Variants in VCAM1 observed in about 807,000 individuals in gnomAD.
The protein encoded by VCAM1 is vascular cell adhesion protein 1.
Under a neutral mutation model 63.8 loss-of-function variants are expected in VCAM1, and 41 were observed. That is an observed-to-expected ratio of 0.64 (90% CI 0.50 to 0.83). The LOEUF (loss-of-function observed/expected upper bound fraction) is 0.83. Ranked by LOEUF, VCAM1 falls within the 40% of genes least tolerant of loss-of-function variation. VCAM1 has a pLI of 0.00. For missense variants in VCAM1, 798 were observed against 875.5 expected, an observed-to-expected ratio of 0.91 and a Z score of 1.12; for synonymous variants, 338 against 320.7, an observed-to-expected ratio of 1.05 and a Z score of -0.58.
At chr1:100,730,759 T>G (rs1445567472) in intron 5 of VCAM1, among the ~76,000 whole-genome samples, 1 of 152,128 alleles carries the variant, frequency 6.6e-6, no homozygotes, top group Non-Finnish European at 1.5e-5. Context: ...GTAAAATAAG[T>G]AATACTCATT....
chr1:100,731,594 G>C lies in VCAM1; in HGVS notation c.1525+76G>C, dbSNP rs1660459922. The C allele has an allele frequency of 7.3e-7, 1 of 1,365,860 alleles. No individual in the cohort carries two copies. The allele number at this position is 1,365,860 out of a possible 1,614,324, so 84.6% of individuals were successfully genotyped here. The stretch of plus-strand genomic sequence containing the variant: ...GTTTGCCAGGCAATAGTTAACATAA[G>C]GTTAATCGTTAAAACCTCTGTGGAG... On this transcript the variant is annotated intron_variant, in intron 6 of 8. Transcript: ENST00000294728. The surrounding 1 kb of genome is among the most constrained non-coding windows in gnomAD (Gnocchi z 4.2).
intron 3 of VCAM1, among the ~76,000 whole-genome samples, chr1:100,724,382 T>A (rs937995349): frequency 5.9e-5 from 9 of 152,054 alleles, no homozygotes; most frequent in Non-Finnish European, 1.3e-4. Context: ...TTAAGCCACA[T>A]GGTTTTTCTT....
At chr1:100,736,397 T>C (rs1203386980) in intron 8 of VCAM1, 1 of 152,196 alleles carries the variant, frequency 6.6e-6, no homozygotes, top group Non-Finnish European at 1.5e-5. Context: ...TTTATTTGTT[T>C]CATTTTGTCT....
At chr1:100,724,536 A>G (rs1660090942) in intron 3 of VCAM1, 88 bp from the exon 4 acceptor site, 1 of 1,455,716 alleles carries the variant, frequency 6.9e-7, no homozygotes, top group Admixed American at 2.2e-5. Context: ...AAATTGGTGG[A>G]AGCACATAAA....
intron 6 of VCAM1, among the ~76,000 whole-genome samples, chr1:100,732,166 G>A (rs560803396): frequency 2.0e-4 from 31 of 152,144 alleles, no homozygotes; most frequent in East Asian, 7.7e-4. Flanking sequence ...ATTGACCCTC[G>A]TCATTCTTTG....
chr1:100,720,677 A>G lies in VCAM1; in HGVS notation c.266A>G (p.Asn89Ser). The G allele has an allele frequency of 6.2e-7, 1 of 1,613,324 alleles. No individual in the cohort carries two copies. The highest frequency in any genetic ancestry group is 8.5e-7 in the Non-Finnish European group (1 of 1,179,528). ...ACAATGAATCCTGTTAGTTTTGGGA[A>G]CGAACACTCTTACCTGTGCACAGCA... is the stretch of plus-strand genomic sequence containing the variant. ...TLTMNPVSFG[N>S]EHSYLCTATC... The change falls in exon 2 of 9, where the codon AAC becomes AGC. Residue 89 changes from asparagine (N) to serine (S), a missense_variant. Coordinates refer to ENST00000294728, the MANE Select transcript of VCAM1 (RefSeq NM_001078.4).
intron 8 of VCAM1, chr1:100,736,587 A>G (rs960460088): frequency 6.6e-6 from 1 of 152,194 alleles, no homozygotes; most frequent in African/African-American, 2.4e-5. Context: ...TGTATATTAC[A>G]TTGAAAAGAA....
chr1:100,721,349 G>A (rs983680001), intron 2 of VCAM1, among the ~76,000 whole-genome samples: 5 of 151,848 alleles, frequency 3.3e-5, no homozygotes, highest in African/African-American at 7.2e-5. Context: ...GTGCTCAACC[G>A]CTCAACTTCA....
rs1193648133 is a variant in VCAM1 at position 100,732,687 on chromosome 1, G to A, written c.1792+3G>A. 1 of 1,581,892 alleles carries A rather than the reference G, an allele frequency of 6.3e-7. No individual in the cohort carries two copies. Among genetic ancestry groups the A allele is most frequent in the East Asian group, 2.2e-5 (1 of 44,578 alleles). On this transcript the variant is annotated splice_donor_region_variant and intron_variant, in intron 7 of 8. Coordinates refer to ENST00000294728, the MANE Select transcript of VCAM1 (RefSeq NM_001078.4). ...GGAAGTGGAATTAATTATCCAAGGT[G>A]AGCAGAGTGTGAGTAATGAGTTATC...
chr1:100,733,236 A>T (rs1181837072), intron 7 of VCAM1, among the ~76,000 whole-genome samples: 1 of 152,210 alleles, frequency 6.6e-6, no homozygotes, highest in African/African-American at 2.4e-5. Flanking sequence ...TTTAGGATGG[A>T]GACCCAAGAT....
chr1:100,734,472 T>A (rs749911645), intron 7 of VCAM1, 30 bp from the exon 8 acceptor site: 2 of 1,591,422 alleles, frequency 1.3e-6, no homozygotes, highest in South Asian at 2.3e-5. Flanking sequence ...TTTCACTCAA[T>A]CAGGGATGTC....
At chr1:100,721,607 G>A (rs1031772161) in intron 2 of VCAM1, among the ~76,000 whole-genome samples, 6 of 151,998 alleles carry the variant, frequency 3.9e-5, no homozygotes, top group African/African-American at 1.4e-4. Flanking sequence ...CTTTGGTTTC[G>A]TTTTATTGTA....
rs3783617 is a variant in VCAM1, at chr1:100,738,325, G to C, written c.*42G>C. ...TCAACTGGAGACACTATTTATCTGT[G>C]CAAATCCTTGATACTGCTCATCATT... On this transcript the variant is annotated 3_prime_UTR_variant, in exon 9 of 9. Coordinates refer to ENST00000294728, the MANE Select transcript of VCAM1 (RefSeq NM_001078.4). The C allele has an allele frequency of 1.5e-4, 230 of 1,584,368 alleles. No homozygotes were observed. In the African/African-American group the frequency reaches 2.8e-3, roughly 19 times the overall value.
rs1660715870 is a variant in VCAM1 at position 100,737,956 on chromosome 1, A to C, written c.2060-167A>C. The stretch of plus-strand genomic sequence containing the variant: ...TAGCAACCACCAACTGATTATTTGG[A>C]TAATTCAGACAAACATGCATCTTGG... On this transcript the variant is annotated intron_variant, in intron 8 of 8. Coordinates refer to ENST00000294728, the MANE Select transcript of VCAM1 (RefSeq NM_001078.4). The C allele has an allele frequency of 4.5e-6, 3 of 669,698 alleles. No homozygotes were observed. In the African/African-American group the frequency reaches 5.4e-5, roughly 12 times the overall value. 41.5% of individuals were successfully genotyped at this position (669,698 alleles called of 1,614,324 possible).
Position 100,732,689 on chromosome 1 carries a change from G to A in VCAM1, c.1792+5G>A. ...AAGTGGAATTAATTATCCAAGGTGA[G>A]CAGAGTGTGAGTAATGAGTTATCCT... On this transcript the variant is annotated splice_donor_5th_base_variant and intron_variant, in intron 7 of 8. Transcript: ENST00000294728. The A allele has an allele frequency of 6.3e-7, 1 of 1,581,042 alleles. No individual in the cohort carries two copies.
chr1:100,732,347 G>A, intron 6 of VCAM1, 71 bp from the exon 7 acceptor site: 1 of 1,441,130 alleles, frequency 6.9e-7, no homozygotes, highest in South Asian at 1.6e-5. Flanking sequence ...GCCCAGTTTT[G>A]CAACATTATT....
In VCAM1 at chr1:100,731,248, A is replaced by AG; in HGVS notation, c.1256dup (p.Ser419ArgfsTer11). 1 of 1,613,412 alleles carries AG rather than the reference A, an allele frequency of 6.2e-7. No homozygotes were observed. Among genetic ancestry groups the AG allele is most frequent in the Non-Finnish European group, 8.5e-7 (1 of 1,179,658 alleles). ...GATGAGTGGTGGCCTCGTGAATGGGAGCTCTGTCACTGTAAGCTGCAAGGT... is the reference window on the plus strand; with the variant it reads ...GATGAGTGGTGGCCTCGTGAATGGGAGGCTCTGTCACTGTAAGCTGCAAGGT... On this transcript the variant is annotated frameshift_variant, in exon 6 of 9. Transcript: ENST00000294728. LOFTEE classifies it high-confidence loss of function. The surrounding 1 kb of genome is among the most constrained non-coding windows in gnomAD (Gnocchi z 4.2).
chr1:100,720,418 A>G (rs1338869088), intron 1 of VCAM1, 58 bp from the exon 2 acceptor site: 1 of 1,552,984 alleles, frequency 6.4e-7, no homozygotes, highest in Admixed American at 1.8e-5. Flanking sequence ...GAGAAGAAGG[A>G]GGAGAATACT....
chr1:100,724,655 T>A lies in VCAM1; in HGVS notation c.693T>A (p.Asn231Lys). The A allele has an allele frequency of 6.2e-7, 1 of 1,612,974 alleles. No homozygotes were observed. The highest frequency in any genetic ancestry group is 8.5e-7 in the Non-Finnish European group (1 of 1,179,356). Residue 231 changes from asparagine (N) to lysine (K), a missense_variant, in exon 4 of 9, where the codon AAT becomes AAA. Asn to Lys is a moderately conservative substitution (Grantham distance 94, BLOSUM62 0). Transcript: ENST00000294728. The part of the protein sequence containing the change: ...ISPKNTVISV[N>K]PSTKLQEGGS... ...CCAAGAATACAGTTATTTCTGTGAA[T>A]CCATCCACAAAGCTGCAAGAAGGTG... is the stretch of plus-strand genomic sequence containing the variant.
Sources: allele counts gnomAD v4.1 joint callset (sites outside exome capture counted in the v4.1 genomes callset), GRCh38; gene constraint gnomAD v4.1.1; non-coding constraint Gnocchi (gnomAD v3.1); transcripts MANE v1.5; gene names NCBI Gene and HGNC (gene_info 2026-07-23, HGNC 2026-07-21).